RNF144A: variants seen among roughly 807,000 people sequenced by gnomAD.
RNF144A encodes E3 ubiquitin-protein ligase RNF144A.
In RNF144A, 11 loss-of-function variants were observed where a neutral mutation model predicts 38.7. The ratio of observed to expected loss-of-function variants is 0.28; its 90% CI spans 0.18 to 0.47. The LOEUF (loss-of-function observed/expected upper bound fraction) is 0.47, where lower values mean the gene tolerates loss of function less well. RNF144A is among the 20% of genes least tolerant of loss of function. The probability of loss-of-function intolerance (pLI) is 0.99; values close to 1 mark genes in which losing one functional copy is unlikely to be tolerated. For missense variants in RNF144A, 316 were observed against 377.2 expected (o/e 0.84, Z 1.34); for synonymous variants, 149 against 143.9 (o/e 1.04, Z -0.25).
intron 2 of RNF144A, among the ~76,000 whole-genome samples, chr2:6,946,566 C>G (rs1372059048): frequency 6.6e-6 from 1 of 151,864 alleles, no homozygotes; most frequent in Non-Finnish European, 1.5e-5. Context: ...AAAAACATTT[C>G]TTTGAATTTA....
chr2:7,009,950 C>T (rs1027162118), intron 3 of RNF144A, among the ~76,000 whole-genome samples: 1 of 152,228 alleles, frequency 6.6e-6, no homozygotes, highest in Non-Finnish European at 1.5e-5. Flanking sequence ...CTTCCATTCA[C>T]CCTCTATCTG....
At chr2:6,959,386 G>C (rs1393048959) in intron 2 of RNF144A, among the ~76,000 whole-genome samples, 1 of 152,192 alleles carries the variant, frequency 6.6e-6, no homozygotes, top group Non-Finnish European at 1.5e-5. Flanking sequence ...AGGAAAACAG[G>C]GATCATGATG....
At chr2:7,032,378 C>CGCGCCCCTTGCAGCTCTGCTCGAATCT (rs1672371108) in intron 8 of RNF144A, among the ~76,000 whole-genome samples, 1 of 152,282 alleles carries the variant, frequency 6.6e-6, no homozygotes, top group South Asian at 2.1e-4. Context: ...TGCTCGAATC[C>CGCGCCCCTTGCAGCTCTGCTCGAATCT]GCGCCCCTTG....
intron 2 of RNF144A, among the ~76,000 whole-genome samples, chr2:6,993,673 G>T (rs1339799669): frequency 5.3e-5 from 8 of 152,114 alleles, no homozygotes; most frequent in Admixed American, 4.6e-4. Context: ...CATAGTGCAT[G>T]GCTGTCGATA....
At chr2:6,921,045 C>A (rs1558350204) in intron 1 of RNF144A, among the ~76,000 whole-genome samples, 1 of 152,200 alleles carries the variant, frequency 6.6e-6, no homozygotes, top group Non-Finnish European at 1.5e-5. Context: ...CAGGACGACT[C>A]ACCAAGTACA....
chr2:6,967,022 C>A (rs1667707537), intron 2 of RNF144A, among the ~76,000 whole-genome samples: 1 of 152,176 alleles, frequency 6.6e-6, no homozygotes, highest in East Asian at 1.9e-4. Flanking sequence ...TCAGTTTTTA[C>A]AGCCATCGAC....
At position 7,042,378 on chromosome 2, in the gene RNF144A, C is replaced by A; in HGVS notation, c.*2618C>A. On this transcript the variant is annotated 3_prime_UTR_variant, in exon 9 of 9. Transcript: ENST00000320892. Reference sequence around the variant, plus strand: ...TCCTGTGAAGCGGCATAATTTGTCTCCATTGAAAAATGGCATTCACTCTTA... The same window carrying A: ...TCCTGTGAAGCGGCATAATTTGTCTACATTGAAAAATGGCATTCACTCTTA... 5 of 985,438 alleles carry A rather than the reference C, an allele frequency of 5.1e-6. No individual in the cohort carries two copies. The highest frequency in any genetic ancestry group is 6.0e-6 in the Non-Finnish European group (5 of 829,944). 61.0% of individuals were successfully genotyped at this position (985,438 alleles called of 1,614,324 possible).
chr2:6,938,728 A>C (rs1407255836), intron 1 of RNF144A, among the ~76,000 whole-genome samples: 1 of 152,014 alleles, frequency 6.6e-6, no homozygotes, highest in Non-Finnish European at 1.5e-5. Context: ...CTTAGCACTC[A>C]CTTCTTATTC....
intron 1 of RNF144A, among the ~76,000 whole-genome samples, chr2:6,936,409 G>T (rs943074483): frequency 6.6e-6 from 1 of 152,114 alleles, no homozygotes; most frequent in Admixed American, 6.5e-5. Flanking sequence ...ATGTGTGTGT[G>T]TGTATAGATA....
chr2:7,016,349 A>G (rs1208925460), intron 5 of RNF144A, among the ~76,000 whole-genome samples: 2 of 152,158 alleles, frequency 1.3e-5, no homozygotes, highest in African/African-American at 4.8e-5. Context: ...TTCTGAGAAT[A>G]TTTTCCAGAG....
chr2:6,938,282 T>A (rs1665731568), intron 1 of RNF144A, among the ~76,000 whole-genome samples: 1 of 138,970 alleles, frequency 7.2e-6, no homozygotes, highest in African/African-American at 2.6e-5. Context: ...AGTTTCGCTC[T>A]TGTTGCCCAG....
intron 2 of RNF144A, among the ~76,000 whole-genome samples, chr2:6,949,796 T>C (rs970444914): frequency 6.6e-6 from 1 of 152,238 alleles, no homozygotes; most frequent in Non-Finnish European, 1.5e-5. Context: ...AAAAGTTCTC[T>C]AAGGAATTAC....
intron 6 of RNF144A, among the ~76,000 whole-genome samples, chr2:7,022,086 C>T (rs1402320947): frequency 6.6e-6 from 1 of 152,252 alleles, no homozygotes. Context: ...TGGCAGCCAG[C>T]GTAGCAGAGC....
chr2:6,953,793 A>AT (rs1666831819), intron 2 of RNF144A, among the ~76,000 whole-genome samples: 1 of 152,008 alleles, frequency 6.6e-6, no homozygotes, highest in Non-Finnish European at 1.5e-5. Context: ...TATTTTCTAC[A>AT]TTTTCACTAG....
rs774250528 is a variant in RNF144A, at chr2:7,041,182, A to G, written c.*1422A>G. 8.7e-5 allele frequency: 85 copies of G among 982,100 alleles called. No individual in the cohort carries two copies. Among genetic ancestry groups the G allele is most frequent in the Non-Finnish European group, 9.9e-5 (82 of 826,992 alleles). 60.8% of individuals were successfully genotyped at this position (982,100 alleles called of 1,614,324 possible). A position where few individuals can be genotyped will look rare whatever the true frequency, so the allele number is the denominator to read the frequency against. ...TTAAAAATCTTGTTAAACATTCTAT[A>G]AAGAAGTAAAACAAAATCCTTTTAT... On this transcript the variant is annotated 3_prime_UTR_variant, in exon 9 of 9. Coordinates refer to ENST00000320892, the MANE Select transcript of RNF144A (RefSeq NM_014746.6).
intron 6 of RNF144A, among the ~76,000 whole-genome samples, chr2:7,023,107 G>A (rs1238540046): frequency 6.6e-6 from 1 of 152,104 alleles, no homozygotes; most frequent in Non-Finnish European, 1.5e-5. Flanking sequence ...GATGAGACAC[G>A]TAACACATAA....
At chr2:7,045,107 A>C (rs1673253432), downstream of RNF144A, among the ~76,000 whole-genome samples, 1 of 152,242 alleles carries the variant, frequency 6.6e-6, no homozygotes, top group East Asian at 1.9e-4. Context: ...GGAACTAGCC[A>C]AGCAAAACTG....
chr2:6,987,424 G>A (rs1042245949), intron 2 of RNF144A, among the ~76,000 whole-genome samples: 2 of 152,206 alleles, frequency 1.3e-5, no homozygotes, highest in African/African-American at 2.4e-5. Flanking sequence ...TGGCCCTGCT[G>A]TGGGACATAC....
At chr2:7,031,070 T>A (rs551155092) in intron 8 of RNF144A, among the ~76,000 whole-genome samples, 1 of 152,072 alleles carries the variant, frequency 6.6e-6, no homozygotes, top group East Asian at 1.9e-4. Flanking sequence ...TAAATACAGA[T>A]GAAGGTTTGC....
Sources: gnomAD v4.1 joint callset for allele counts (sites outside exome capture counted in the v4.1 genomes callset) on GRCh38, gnomAD v4.1.1 for gene constraint, MANE v1.5 for transcripts, NCBI Gene and HGNC (gene_info 2026-07-23, HGNC 2026-07-21) for gene names.